The following CPXM2 variants were observed in gnomAD, a reference collection of about 807,000 sequenced individuals.
CPXM2 encodes carboxypeptidase X, M14 family member 2.
Under a neutral mutation model 86.1 loss-of-function variants are expected in CPXM2, and 66 were observed. The observed-to-expected ratio is 0.77, with a 90% CI of 0.63 to 0.94. CPXM2 has a LOEUF of 0.94. CPXM2 is among the 40% of genes least tolerant of loss of function. CPXM2 has a pLI of 0.00. For synonymous variants in CPXM2, 388 were observed against 400.2 expected (o/e 0.97, Z 0.36); for missense variants, 948 against 1,026.3 (o/e 0.92, Z 1.04).
intron 2 of CPXM2, among the ~76,000 whole-genome samples, chr10:123,935,183 C>T (rs76738706): frequency 0.061 from 9,319 of 152,234 alleles, 539 homozygotes; most frequent in African/African-American, 0.15. Context: ...TAACCATGAG[C>T]TGTTAATGCT....
chr10:123,902,362 G>A (rs1465655826), intron 2 of CPXM2, among the ~76,000 whole-genome samples: 1 of 152,128 alleles, frequency 6.6e-6, no homozygotes, highest in Non-Finnish European at 1.5e-5. Context: ...CTGCAGAGTG[G>A]GGGAATCCTG....
intron 4 of CPXM2, among the ~76,000 whole-genome samples, chr10:123,802,685 C>G (rs1013700123): frequency 3.3e-5 from 5 of 152,134 alleles, no homozygotes; most frequent in African/African-American, 1.2e-4. Flanking sequence ...ATTGCTAGGT[C>G]ATAGGGTCAG....
At chr10:123,770,328 G>A (rs1300935879) in intron 8 of CPXM2, among the ~76,000 whole-genome samples, 1 of 152,068 alleles carries the variant, frequency 6.6e-6, no homozygotes, top group South Asian at 2.1e-4. Context: ...AACCACTTCC[G>A]GAGAGGAACT....
At chr10:123,811,245 C>A (rs1303080114) in intron 4 of CPXM2, among the ~76,000 whole-genome samples, 2 of 151,640 alleles carry the variant, frequency 1.3e-5, no homozygotes, top group African/African-American at 4.8e-5. Flanking sequence ...GTGTGCTGCA[C>A]CCATTAACTC....
intron 4 of CPXM2, 149 bp from the exon 5 acceptor site, chr10:123,799,348 A>T: frequency 5.1e-6 from 4 of 789,744 alleles, no homozygotes; most frequent in Non-Finnish European, 6.2e-6. Flanking sequence ...CTGTGACCTC[A>T]GTCAGGTAAC....
Position 123,891,367 on chromosome 10 carries a change from G to T in CPXM2, c.293C>A (p.Pro98Gln), listed in dbSNP as rs1201153752. The change falls in exon 1 of 14, where the codon CCG (proline) becomes CAG (glutamine). Residue 98 changes from proline (P) to glutamine (Q), a missense_variant. Pro to Gln is a moderately conservative substitution (Grantham distance 76). Transcript: ENST00000241305. This position sits in a 1 kb window ranked among gnomAD's most constrained non-coding sequence, Gnocchi z 5.6. ...AGAAAGTTCCTTACCTGGTGGAGGC[G>T]GCTCCGGAGCCGACTTCTCCCTCTT... is the stretch of plus-strand genomic sequence containing the variant. ...APKREKSAPE[P>Q]PPPGKHSNKK... The T allele has an allele frequency of 1.3e-6, 2 of 1,551,148 alleles. No individual in the cohort carries two copies. Among genetic ancestry groups the T allele is most frequent in the Non-Finnish European group, 1.7e-6 (2 of 1,148,972 alleles).
At chr10:123,757,006 G>A (rs1430005103) in intron 12 of CPXM2, among the ~76,000 whole-genome samples, 3 of 152,206 alleles carry the variant, frequency 2.0e-5, no homozygotes, top group African/African-American at 4.8e-5. Flanking sequence ...ATTGCTCCAG[G>A]CCAGTGGGGA....
At chr10:123,751,977 T>C in intron 13 of CPXM2, 2 of 985,464 alleles carry the variant, frequency 2.0e-6, no homozygotes, top group Non-Finnish European at 2.4e-6. Context: ...TCTTGGCTTA[T>C]GAGGCCCCAG....
chr10:123,758,492 C>T (rs1203496708), intron 11 of CPXM2, among the ~76,000 whole-genome samples: 1 of 152,100 alleles, frequency 6.6e-6, no homozygotes, highest in East Asian at 1.9e-4. Context: ...ATCTTAAGGC[C>T]CATCCAGGTA....
chr10:123,769,277 G>C (rs1385656261), intron 8 of CPXM2, among the ~76,000 whole-genome samples: 1 of 152,110 alleles, frequency 6.6e-6, no homozygotes, highest in East Asian at 1.9e-4. Flanking sequence ...TGGAACTTAA[G>C]ATCAAATGTG....
intron 7 of CPXM2, among the ~76,000 whole-genome samples, chr10:123,779,953 G>A (rs1247792660): frequency 2.0e-5 from 3 of 152,140 alleles, no homozygotes; most frequent in Non-Finnish European, 4.4e-5. Flanking sequence ...TTCAAATTGT[G>A]TTTCAACAAT....
intron 3 of CPXM2, among the ~76,000 whole-genome samples, chr10:123,860,911 T>C (rs1392846939): frequency 6.6e-6 from 1 of 152,248 alleles, no homozygotes; most frequent in Non-Finnish European, 1.5e-5. Context: ...TTAAAGTTAG[T>C]TCTACAAATG....
chr10:123,920,014 G>A (rs1265980202), intron 2 of CPXM2, among the ~76,000 whole-genome samples: 2 of 152,128 alleles, frequency 1.3e-5, no homozygotes, highest in African/African-American at 2.4e-5. Context: ...TTTCATGAGG[G>A]ATCCACTGCC....
Position 123,918,854 on chromosome 10 carries a change from G to A in CPXM2, n.174+20623C>T, listed in dbSNP as rs577316826. ...GTCCAAAGAGTGAGGTGGGAAGGAC[G>A]TCTGTTATCTCCTCTTTCTTTTTTT... On this transcript the variant is annotated intron_variant and non_coding_transcript_variant, in intron 2 of 19. Transcript: ENST00000368854. Among the ~76,000 whole-genome samples the A allele has an allele frequency of 7.4e-4, 112 of 152,262 alleles. 1 individual carries two copies. The highest frequency in any genetic ancestry group is 2.5e-3 in the African/African-American group (104 of 41,540).
At chr10:123,884,784 T>G (rs1252865140) in intron 1 of CPXM2, among the ~76,000 whole-genome samples, 1 of 152,224 alleles carries the variant, frequency 6.6e-6, no homozygotes, top group Non-Finnish European at 1.5e-5. Flanking sequence ...CTGGGATACC[T>G]GCCTGGTCAG....
rs542928916 is a variant in CPXM2 at position 123,864,820 on chromosome 10, G to A, written c.404-2097C>T. Among the ~76,000 whole-genome samples, 3 of 152,260 alleles carry A rather than the reference G, an allele frequency of 2.0e-5. No homozygotes were observed. In the South Asian group the frequency reaches 6.2e-4, roughly 32 times the overall value. ...ACGTGAGTATTTTAATTCAAAAAAG[G>A]AAGTACCTGACTAAAATTACATATC... On this transcript the variant is annotated intron_variant, in intron 2 of 13. Transcript: ENST00000241305.
chr10:123,826,864 G>T (rs1848058539), intron 4 of CPXM2, among the ~76,000 whole-genome samples: 1 of 151,836 alleles, frequency 6.6e-6, no homozygotes, highest in African/African-American at 2.4e-5. Flanking sequence ...TCACAATAAG[G>T]CATTAAACAG....
intron 2 of CPXM2, among the ~76,000 whole-genome samples, chr10:123,901,895 G>A (rs1945385599): frequency 1.3e-5 from 2 of 152,172 alleles, no homozygotes; most frequent in Non-Finnish European, 2.9e-5. Flanking sequence ...ACTCAGCTGT[G>A]TCATCACTCG....
intron 11 of CPXM2, among the ~76,000 whole-genome samples, chr10:123,760,889 T>C (rs1267765764): frequency 6.6e-6 from 1 of 152,068 alleles, no homozygotes; most frequent in African/African-American, 2.4e-5. Context: ...GCAGGGCCAG[T>C]GATAGAGTGG....
Sources: allele counts gnomAD v4.1 joint callset (sites outside exome capture counted in the v4.1 genomes callset), GRCh38; gene constraint gnomAD v4.1.1; non-coding constraint Gnocchi (gnomAD v3.1); transcripts MANE v1.5; gene names NCBI Gene and HGNC (gene_info 2026-07-23, HGNC 2026-07-21).